Variants in BLOC1S3 observed in about 807,000 individuals in gnomAD.
BLOC1S3 encodes biogenesis of lysosome-related organelles complex 1 subunit 3.
A neutral mutation model predicts 9.1 loss-of-function variants in BLOC1S3; 7 were observed. The ratio of observed to expected loss-of-function variants is 0.77; its 90% CI spans 0.44 to 1.45. The LOEUF (loss-of-function observed/expected upper bound fraction) is 1.45, where lower values mean the gene tolerates loss of function less well. Ranked by LOEUF, BLOC1S3 falls within the 40% of genes most tolerant of loss-of-function variation. BLOC1S3 has a pLI of 0.01. For synonymous variants in BLOC1S3, 145 were observed against 158.4 expected (o/e 0.92, Z 0.64); for missense variants, 307 against 315.2 (o/e 0.97, Z 0.20).
chr19:45,179,476 C>T lies in BLOC1S3; in HGVS notation c.180C>T (p.Ala60=), dbSNP rs748722884. Residue 60 remains alanine (A), a synonymous_variant, in exon 2 of 2, where the codon GCC becomes GCT. Coordinates refer to ENST00000433642, the MANE Select transcript of BLOC1S3 (RefSeq NM_212550.5). This position sits in a 1 kb window ranked among gnomAD's most constrained non-coding sequence, Gnocchi z 4.6. The part of the protein sequence containing the change: ...RPTGLRVAGE[A]AETDSEPEPE... ...CGGGGCTGCGGGTGGCTGGGGAAGCCGCGGAGACCGACTCGGAGCCGGAGC... is the reference window on the plus strand; with the variant it reads ...CGGGGCTGCGGGTGGCTGGGGAAGCTGCGGAGACCGACTCGGAGCCGGAGC... The T allele has an allele frequency of 2.3e-5, 35 of 1,522,952 alleles. No homozygotes were observed. The African/African-American group carries it at 4.1e-4, about 18-fold the overall frequency. 94.3% of individuals were successfully genotyped at this position (1,522,952 alleles called of 1,614,324 possible). A position where few individuals can be genotyped will look rare whatever the true frequency, so the allele number is the denominator to read the frequency against.
Position 45,179,112 on chromosome 19 carries a change from G to T in BLOC1S3, c.-9-176G>T. The T allele has an allele frequency of 1.6e-6, 1 of 624,782 alleles. No individual in the cohort carries two copies. Among genetic ancestry groups the T allele is most frequent in the Non-Finnish European group, 2.5e-6 (1 of 402,028 alleles). The allele number at this position is 624,782 out of a possible 1,614,324, so 38.7% of individuals were successfully genotyped here. ...CCATCTGTACGCTGAAGAGCCTGGGGTCCAGTAACCCCCATCATCACCCAG... is the reference window on the plus strand; with the variant it reads ...CCATCTGTACGCTGAAGAGCCTGGGTTCCAGTAACCCCCATCATCACCCAG... On this transcript the variant is annotated intron_variant, in intron 1 of 1. Transcript: ENST00000433642. This position sits in a 1 kb window ranked among gnomAD's most constrained non-coding sequence, Gnocchi z 4.6.
chr19:45,196,159 T>G (rs1969646889), intron 2 of BLOC1S3, among the ~76,000 whole-genome samples: 1 of 152,200 alleles, frequency 6.6e-6, no homozygotes, highest in Non-Finnish European at 1.5e-5. Context: ...GGTGAGTACA[T>G]TTTAAATTCT....
intron 3 of BLOC1S3, chr19:45,216,293 A>G: frequency 4.8e-6 from 7 of 1,470,724 alleles, no homozygotes; most frequent in Non-Finnish European, 6.3e-6. Flanking sequence ...AATGTAGCAG[A>G]AACCAGGGGT....
chr19:45,208,425 G>A (rs990804796), intron 3 of BLOC1S3, among the ~76,000 whole-genome samples: 1 of 151,404 alleles, frequency 6.6e-6, no homozygotes, highest in African/African-American at 2.4e-5. Flanking sequence ...TAGCCAACAT[G>A]GCAAAACGCT....
downstream of BLOC1S3, among the ~76,000 whole-genome samples, chr19:45,182,385 A>C (rs1969531728): frequency 1.3e-5 from 2 of 151,720 alleles, no homozygotes; most frequent in Admixed American, 1.3e-4. Context: ...AAAAATAAAT[A>C]GGCCAGGCGC....
At chr19:45,213,501 C>T (rs1476882539) in intron 3 of BLOC1S3, 1 of 903,780 alleles carries the variant, frequency 1.1e-6, no homozygotes, top group Non-Finnish European at 1.6e-6. Context: ...CAGAGCCTTC[C>T]CTCCAATCAG....
chr19:45,197,824 C>CAAA (rs55654938), intron 2 of BLOC1S3, among the ~76,000 whole-genome samples: 87 of 63,576 alleles, frequency 1.4e-3, no homozygotes, highest in Non-Finnish European at 1.7e-3. Context: ...GACTCCGTCT[C>CAAA]AAAAAAAAAA....
At position 45,179,933 on chromosome 19, in the gene BLOC1S3, C is replaced by A. The variant is rs187399565; in HGVS notation, c.*28C>A. ...ATGATTCTACTTCCCAACCTGACTG[C>A]AATTTGGGGGTAGGCCTTGCTGCCT... On this transcript the variant is annotated 3_prime_UTR_variant, in exon 2 of 2. Transcript: ENST00000433642. This position sits in a 1 kb window ranked among gnomAD's most constrained non-coding sequence, Gnocchi z 4.6. 1 of 1,601,472 alleles carries A rather than the reference C, an allele frequency of 6.2e-7. No homozygotes were observed. Among genetic ancestry groups the A allele is most frequent in the Admixed American group, 1.7e-5 (1 of 59,036 alleles).
intron 3 of BLOC1S3, among the ~76,000 whole-genome samples, chr19:45,209,556 G>C (rs1969752336): frequency 6.6e-6 from 1 of 151,892 alleles, no homozygotes; most frequent in Non-Finnish European, 1.5e-5. Context: ...CGAGTAGCTG[G>C]GACTACAGGC....
rs34965337 is a variant in BLOC1S3, at chr19:45,180,235, A to ATTTTT, written c.*350_*354dup. 6 of 90,524 alleles carry ATTTTT rather than the reference A, an allele frequency of 6.6e-5. No individual in the cohort carries two copies. In the East Asian group the frequency reaches 8.0e-4, roughly 12 times the overall value. The allele number at this position is 90,524 out of a possible 1,614,324, so 5.6% of individuals were successfully genotyped here. A position where few individuals can be genotyped will look rare whatever the true frequency, so the allele number is the denominator to read the frequency against. On this transcript the variant is annotated 3_prime_UTR_variant, in exon 2 of 2. Coordinates refer to ENST00000433642, the MANE Select transcript of BLOC1S3 (RefSeq NM_212550.5). ...CTGTTTCCACCCTGGGGGCTCACCA[A>ATTTTT]TTTTTTTTTTTTTTTTTTTTTTTTG...
chr19:45,197,596 C>T (rs966173879), intron 2 of BLOC1S3, among the ~76,000 whole-genome samples: 4 of 151,364 alleles, frequency 2.6e-5, no homozygotes, highest in South Asian at 2.1e-4. Context: ...GAGGCCGAGG[C>T]GGGTGGATCA....
chr19:45,216,995 G>A (rs1568479330), downstream of BLOC1S3: 1 of 151,826 alleles, frequency 6.6e-6, no homozygotes, highest in East Asian at 1.9e-4. Context: ...TCTGTTGCAT[G>A]TAGTTTCTCT....
chr19:45,216,039 C>A, intron 3 of BLOC1S3: 2 of 1,609,256 alleles, frequency 1.2e-6, no homozygotes, highest in Non-Finnish European at 1.7e-6. Flanking sequence ...CTCGGCCAGG[C>A]ACGGCGAGCC....
Position 45,180,370 on chromosome 19 carries a change from A to T in BLOC1S3, c.*465A>T, listed in dbSNP as rs115683085. The T allele has an allele frequency of 0.02, 3,074 of 153,328 alleles. 109 individuals are homozygous for T. Among genetic ancestry groups the T allele is most frequent in the African/African-American group, 0.07 (2,888 of 41,058 alleles). 9.5% of individuals were successfully genotyped at this position (153,328 alleles called of 1,614,324 possible). A position where few individuals can be genotyped will look rare whatever the true frequency, so the allele number is the denominator to read the frequency against. The stretch of plus-strand genomic sequence containing the variant: ...TGATCCTCCCAGCTCAGCCTTCAAG[A>T]GTAGCTGGGACTGCAGACCTGCACC... On this transcript the variant is annotated 3_prime_UTR_variant, in exon 2 of 2. Coordinates refer to ENST00000433642, the MANE Select transcript of BLOC1S3 (RefSeq NM_212550.5).
At chr19:45,198,249 C>A (rs1231058956) in intron 2 of BLOC1S3, among the ~76,000 whole-genome samples, 3 of 152,102 alleles carry the variant, frequency 2.0e-5, no homozygotes, top group African/African-American at 7.2e-5. Flanking sequence ...TCTCCTTTGG[C>A]CAACTCTAAC....
chr19:45,216,324 C>T (rs922197219), intron 3 of BLOC1S3: 1 of 1,326,298 alleles, frequency 7.5e-7, no homozygotes, highest in African/African-American at 1.5e-5. Flanking sequence ...GCCTGTAATC[C>T]CAGCACTTTG....
intron 2 of BLOC1S3, among the ~76,000 whole-genome samples, chr19:45,189,985 C>G (rs1407532818): frequency 6.6e-6 from 1 of 151,838 alleles, no homozygotes; most frequent in Non-Finnish European, 1.5e-5. Flanking sequence ...TTCAAATAGC[C>G]TTTCTTCAAG....
chr19:45,183,290 G>GC (rs1207865351), downstream of BLOC1S3, among the ~76,000 whole-genome samples: 7 of 152,016 alleles, frequency 4.6e-5, no homozygotes, highest in Admixed American at 4.6e-4. Context: ...GACCAGCCTG[G>GC]CCAACGTGGT....
At chr19:45,187,327 C>G (rs552163473), upstream of BLOC1S3, 1 of 152,508 alleles carries the variant, frequency 6.6e-6, no homozygotes, top group Admixed American at 6.5e-5. Flanking sequence ...ACCTCTCTTT[C>G]CAGAGCGGCT....
Sources: allele counts gnomAD v4.1 joint callset (sites outside exome capture counted in the v4.1 genomes callset), GRCh38; gene constraint gnomAD v4.1.1; non-coding constraint Gnocchi (gnomAD v3.1); transcripts MANE v1.5; gene names NCBI Gene and HGNC (gene_info 2026-07-23, HGNC 2026-07-21).